RYR2: variants seen among roughly 807,000 people sequenced by gnomAD.
RYR2 encodes the protein ryanodine receptor 2, also known as cardiac muscle ryanodine receptor-calcium release channel.
RYR2 carries 227 observed loss-of-function variants against 601.1 expected under a neutral mutation model. The observed-to-expected ratio is 0.38, with a 90% confidence interval of 0.34 to 0.42. The LOEUF (loss-of-function observed/expected upper bound fraction) is 0.42. Among genes scored for constraint, RYR2 ranks in the 10% least tolerant of loss-of-function variants. The pLI is 1.00. For synonymous variants in RYR2, 2,223 were observed against 2,175.1 expected, an observed-to-expected ratio of 1.02 and a Z score of -0.61; for missense variants, 4,646 against 6,156.5, an observed-to-expected ratio of 0.75 and a Z score of 8.21.
chr1:237,556,318 G>T (rs1324988520), intron 27 of RYR2, among the ~76,000 whole-genome samples: 1 of 147,032 alleles, frequency 6.8e-6, no homozygotes, highest in Admixed American at 6.8e-5. Context: ...ATTATTAGTT[G>T]AGATAGAATC....
chr1:237,818,122 A>G (rs1161282110), intron 100 of RYR2, among the ~76,000 whole-genome samples: 1 of 152,170 alleles, frequency 6.6e-6, no homozygotes, highest in Non-Finnish European at 1.5e-5. Flanking sequence ...GGCCTGAAAA[A>G]GGAGTTGGAA....
intron 44 of RYR2, among the ~76,000 whole-genome samples, chr1:237,637,674 CT>C (rs1681018206): frequency 6.6e-6 from 1 of 152,176 alleles, no homozygotes; most frequent in Admixed American, 6.5e-5. Context: ...TTTAAAATAT[CT>C]TTGCATCTCA....
rs1572624166 is a variant in RYR2, at chr1:237,503,139, T to C, written c.2397-150T>C. The C allele has an allele frequency of 5.8e-5, 38 of 651,572 alleles. No individual in the cohort carries two copies. The East Asian group carries it at 1.0e-3, about 18-fold the overall frequency. 40.4% of individuals were successfully genotyped at this position (651,572 alleles called of 1,614,324 possible). On this transcript the variant is annotated intron_variant, in intron 21 of 104. Transcript: ENST00000366574. ...TTTACAATTAGAGGCCCTTGAATTC[T>C]AAGGTGATCACATTATGATGGTACG...
intron 1 of RYR2, among the ~76,000 whole-genome samples, chr1:237,181,830 A>T (rs1453994569): frequency 6.6e-6 from 1 of 152,074 alleles, no homozygotes; most frequent in East Asian, 1.9e-4. Context: ...TGATGACCGA[A>T]TTTTTTTCAA....
intron 84 of RYR2, 76 bp downstream of exon 84, chr1:237,761,104 C>G: frequency 1.2e-6 from 1 of 821,208 alleles, no homozygotes; most frequent in Non-Finnish European, 2.0e-6. Context: ...AATTACCTTT[C>G]AAGTAGAGAG....
At chr1:237,672,970 A>G (rs552961520) in intron 58 of RYR2, among the ~76,000 whole-genome samples, 2 of 152,336 alleles carry the variant, frequency 1.3e-5, no homozygotes, top group South Asian at 4.1e-4. Flanking sequence ...TGGCGCTTTC[A>G]GTCAAAGCCA....
chr1:237,666,668 T>A, intron 57 of RYR2, 79 bp downstream of exon 57: 1 of 1,136,542 alleles, frequency 8.8e-7, no homozygotes, highest in East Asian at 2.6e-5. Context: ...CTGCATATAT[T>A]TGGCAGCATG....
chr1:237,646,898 C>A (rs892648393), intron 48 of RYR2, among the ~76,000 whole-genome samples: 5 of 152,174 alleles, frequency 3.3e-5, no homozygotes, highest in Non-Finnish European at 5.9e-5. Flanking sequence ...GCAAATAAAA[C>A]AGCAACTTGA....
intron 87 of RYR2, among the ~76,000 whole-genome samples, chr1:237,776,070 C>T (rs1032398674): frequency 2.0e-5 from 3 of 152,150 alleles, no homozygotes; most frequent in East Asian, 1.9e-4. Context: ...TTAACTATCA[C>T]GGGAAGAAAA....
intron 1 of RYR2, among the ~76,000 whole-genome samples, chr1:237,066,405 G>A (rs1663623564): frequency 6.6e-6 from 1 of 152,190 alleles, no homozygotes; most frequent in Non-Finnish European, 1.5e-5. Context: ...GCTATGTTTA[G>A]TTTTTAAAGA....
At chr1:237,521,581 G>A (rs1007337750) in intron 24 of RYR2, among the ~76,000 whole-genome samples, 15 of 151,812 alleles carry the variant, frequency 9.9e-5, no homozygotes, top group African/African-American at 2.7e-4. Context: ...TTAGCCAAGC[G>A]TCATGGCAGG....
intron 7 of RYR2, 97 bp from the exon 8 acceptor site, chr1:237,377,226 G>A (rs572707280): frequency 7.2e-5 from 56 of 772,700 alleles, no homozygotes; most frequent in African/African-American, 5.1e-4. Context: ...CATTAATTCC[G>A]GATTTCTGAA....
chr1:237,811,236 T>C (rs1466652187), intron 100 of RYR2, among the ~76,000 whole-genome samples: 1 of 152,202 alleles, frequency 6.6e-6, no homozygotes. Context: ...TACAGGTGGC[T>C]GACCTGAGGG....
chr1:237,825,695 C>A (rs2487793), intron 101 of RYR2, among the ~76,000 whole-genome samples: 39,602 of 151,722 alleles, frequency 0.26, 5,556 homozygotes, highest in East Asian at 0.6. Flanking sequence ...GAGCTTCTGC[C>A]TAGCAAAAGA....
In RYR2 at chr1:237,832,739, T is replaced by C; in HGVS notation, c.*92T>C. 2.9e-6 allele frequency: 2 copies of C among 690,918 alleles called. No homozygotes were observed. The highest frequency in any genetic ancestry group is 5.3e-5 in the Admixed American group (2 of 37,960). 42.8% of individuals were successfully genotyped at this position (690,918 alleles called of 1,614,324 possible). On this transcript the variant is annotated 3_prime_UTR_variant, in exon 105 of 105. Coordinates refer to ENST00000366574, the MANE Select transcript of RYR2 (RefSeq NM_001035.3). ...CTCTCTTGGAAACATTTTGCTGATTTTGTGAATTGCCAGCGTTGTGTGTTT... is the reference window on the plus strand; with the variant it reads ...CTCTCTTGGAAACATTTTGCTGATTCTGTGAATTGCCAGCGTTGTGTGTTT...
chr1:237,588,975 A>G lies in RYR2; in HGVS notation c.3599-818A>G, dbSNP rs147909053. ...TTCCAAAGAGCTCAAAAAAACAATT[A>G]ACAAAGTTAGTATAGTTCCCCTTTT... is the stretch of plus-strand genomic sequence containing the variant. On this transcript the variant is annotated intron_variant, in intron 29 of 104. Coordinates refer to ENST00000366574, the MANE Select transcript of RYR2 (RefSeq NM_001035.3). Among the ~76,000 whole-genome samples, 844 of 152,308 alleles carry G rather than the reference A, an allele frequency of 5.5e-3. 8 individuals carry two copies. The highest frequency in any genetic ancestry group is 0.02 in the African/African-American group (816 of 41,580).
intron 1 of RYR2, among the ~76,000 whole-genome samples, chr1:237,101,935 G>T (rs1380265527): frequency 6.6e-6 from 1 of 152,210 alleles, no homozygotes; most frequent in Non-Finnish European, 1.5e-5. Context: ...CTTGTTTAAA[G>T]TGTATTCGTA....
At position 237,065,967 on chromosome 1, in the gene RYR2, C is replaced by T. The variant is rs59493802; in HGVS notation, c.48+23398C>T. Among the ~76,000 whole-genome samples the T allele has an allele frequency of 7.2e-3, 1,095 of 152,224 alleles. 13 individuals are homozygous for T. The highest frequency in any genetic ancestry group is 0.025 in the African/African-American group (1,029 of 41,526). On this transcript the variant is annotated intron_variant, in intron 1 of 104. Coordinates refer to ENST00000366574, the MANE Select transcript of RYR2 (RefSeq NM_001035.3). ...TTGCTCACTATCACCAGAGTAGCAC[C>T]GAGGGGGAAATCCCCACCCATGCTC...
chr1:237,328,317 A>G (rs1350719752), intron 2 of RYR2, among the ~76,000 whole-genome samples: 1 of 152,216 alleles, frequency 6.6e-6, no homozygotes, highest in Non-Finnish European at 1.5e-5. Flanking sequence ...AGGACAGACT[A>G]TAATTAGTAT....
Sources: gnomAD v4.1 joint callset for allele counts (sites outside exome capture counted in the v4.1 genomes callset) on GRCh38, gnomAD v4.1.1 for gene constraint, MANE v1.5 for transcripts, NCBI Gene and HGNC (gene_info 2026-07-23, HGNC 2026-07-21) for gene names.